The following OXCT1 variants were observed in gnomAD, a reference collection of about 807,000 sequenced individuals.
The protein encoded by OXCT1 is 3-oxoacid CoA-transferase 1.
Under a neutral mutation model 69.6 loss-of-function variants are expected in OXCT1, and 27 were observed. The ratio of observed to expected loss-of-function variants is 0.39; its 90% CI spans 0.29 to 0.54. The LOEUF (loss-of-function observed/expected upper bound fraction) is 0.54. Among genes scored for constraint, OXCT1 ranks in the 20% least tolerant of loss-of-function variants. OXCT1 has a pLI of 0.72. For synonymous variants in OXCT1, 202 were observed against 217.8 expected, an observed-to-expected ratio of 0.93 and a Z score of 0.64; for missense variants, 437 against 650.2, an observed-to-expected ratio of 0.67 and a Z score of 3.57.
intron 5 of OXCT1, among the ~76,000 whole-genome samples, chr5:41,848,021 C>T (rs1749005610): frequency 6.7e-6 from 1 of 148,484 alleles, no homozygotes; most frequent in Admixed American, 6.7e-5. Flanking sequence ...GATTGTATAT[C>T]TAGAAAACCC....
intron 7 of OXCT1, among the ~76,000 whole-genome samples, chr5:41,828,498 C>T (rs1747928303): frequency 6.6e-6 from 1 of 152,082 alleles, no homozygotes; most frequent in South Asian, 2.1e-4. Flanking sequence ...GCAAGTGCTT[C>T]TAATAAAATG....
Position 41,739,466 on chromosome 5 carries a change from T to C in OXCT1, c.1445A>G (p.Lys482Arg), listed in dbSNP as rs1743051393. 3 of 1,613,398 alleles carry C rather than the reference T, an allele frequency of 1.9e-6. No homozygotes were observed. Among genetic ancestry groups the C allele is most frequent in the Admixed American group, 1.7e-5 (1 of 60,004 alleles). The change falls in exon 16 of 17, where the codon AAA becomes AGA. Residue 482 changes from lysine (K) to arginine (R), a missense_variant. Transcript: ENST00000196371. ...EKAVFDVDKK[K>R]GLTLIELWEG... ...CCAGAGCTCAATCAGAGTCAACCCTTTCTTCTTGTCCACATCAAACACAGC... is the reference window on the plus strand; with the variant it reads ...CCAGAGCTCAATCAGAGTCAACCCTCTCTTCTTGTCCACATCAAACACAGC...
chr5:41,734,296 C>A (rs952954764), intron 16 of OXCT1, among the ~76,000 whole-genome samples: 3 of 152,134 alleles, frequency 2.0e-5, no homozygotes, highest in Non-Finnish European at 2.9e-5. Flanking sequence ...ATATGGAATA[C>A]ATTTTTAATT....
intron 4 of OXCT1, among the ~76,000 whole-genome samples, chr5:41,851,676 G>A (rs1401785133): frequency 1.3e-5 from 2 of 151,932 alleles, no homozygotes; most frequent in African/African-American, 4.8e-5. Flanking sequence ...CTAAGTTGGG[G>A]AAGGAGACAC....
intron 6 of OXCT1, among the ~76,000 whole-genome samples, chr5:41,841,479 A>G (rs1748624326): frequency 6.6e-6 from 1 of 152,148 alleles, no homozygotes; most frequent in East Asian, 1.9e-4. Context: ...CTTCTGTTCC[A>G]GCTGTCCCAC....
intron 4 of OXCT1, 114 bp from the exon 5 acceptor site, chr5:41,850,293 T>C (rs1749118627): frequency 6.7e-6 from 8 of 1,185,910 alleles, no homozygotes; most frequent in Non-Finnish European, 9.8e-6. Flanking sequence ...AAAAAGTAGC[T>C]AGCATTGTAC....
At position 41,870,416 on chromosome 5, in the gene OXCT1, G is replaced by A. The variant is rs1038709512; in HGVS notation, c.-58C>T. ...TTGGAGCGCGCGTTTGAGCGTCGGT[G>A]CGCGACTGCGAAGGAAACCCGGGCG... On this transcript the variant is annotated 5_prime_UTR_variant, in exon 1 of 17. Transcript: ENST00000196371. The surrounding 1 kb of genome is among the most constrained non-coding windows in gnomAD (Gnocchi z 4.2). 2.2e-6 allele frequency: 3 copies of A among 1,338,884 alleles called. No individual in the cohort carries two copies. Among genetic ancestry groups the A allele is most frequent in the African/African-American group, 1.4e-5 (1 of 69,350 alleles). The allele number at this position is 1,338,884 out of a possible 1,614,324, so 82.9% of individuals were successfully genotyped here. A position where few individuals can be genotyped will look rare whatever the true frequency, so the allele number is the denominator to read the frequency against.
At chr5:41,821,332 A>G (rs571287584) in intron 7 of OXCT1, among the ~76,000 whole-genome samples, 1 of 152,226 alleles carries the variant, frequency 6.6e-6, no homozygotes, top group Non-Finnish European at 1.5e-5. Context: ...TAGGAAAAAT[A>G]TGAGAAATGA....
At chr5:41,800,946 A>G (rs1267246488) in intron 11 of OXCT1, 76 bp downstream of exon 11, 12 of 1,291,316 alleles carry the variant, frequency 9.3e-6, no homozygotes, top group Non-Finnish European at 1.4e-5. Context: ...GGAAAAGACA[A>G]AGAATTGAGT....
intron 3 of OXCT1, among the ~76,000 whole-genome samples, chr5:41,859,889 A>AAT (rs113518106): frequency 0.062 from 5,475 of 88,554 alleles, 243 homozygotes; most frequent in African/African-American, 0.12. Flanking sequence ...ATATATATGT[A>AAT]ATATATATAT....
rs1050027734 is a variant in OXCT1, at chr5:41,730,132, A to G, written c.*1597T>C. The G allele has an allele frequency of 1.3e-5, 2 of 152,224 alleles. No homozygotes were observed. Among genetic ancestry groups the G allele is most frequent in the African/African-American group, 4.8e-5 (2 of 41,466 alleles). 9.4% of individuals were successfully genotyped at this position (152,224 alleles called of 1,614,324 possible). A position where few individuals can be genotyped will look rare whatever the true frequency, so the allele number is the denominator to read the frequency against. ...TTAACATGTATAGCACTCTTCAATC[A>G]AGAATATAAAGTCATCTACTTAGAA... On this transcript the variant is annotated 3_prime_UTR_variant, in exon 17 of 17. Transcript: ENST00000196371.
intron 7 of OXCT1, among the ~76,000 whole-genome samples, chr5:41,835,382 T>C (rs1411895794): frequency 1.3e-5 from 2 of 152,192 alleles, no homozygotes; most frequent in African/African-American, 2.4e-5. Flanking sequence ...GGCACCAGTA[T>C]AGAACACAGA....
Position 41,842,661 on chromosome 5 carries a change from AAC to A in OXCT1, c.671+12_671+13del. 6.3e-7 allele frequency: 1 copy of A among 1,579,706 alleles called. No homozygotes were observed. On this transcript the variant is annotated intron_variant, in intron 6 of 16. Transcript: ENST00000196371. The stretch of plus-strand genomic sequence containing the variant: ...TGCTGATATGCACGAGTGTTTTTAA[AAC>A]TATCACAATACCTGAAAATCACGTT...
At chr5:41,824,636 TAAA>T (rs1747716165) in intron 7 of OXCT1, among the ~76,000 whole-genome samples, 1 of 152,160 alleles carries the variant, frequency 6.6e-6, no homozygotes. Flanking sequence ...CAAAAAACTA[TAAA>T]TAAAACAGCA....
rs760488985 is a variant in OXCT1 at position 41,762,245 on chromosome 5, G to T, written c.1249-45C>A. On this transcript the variant is annotated intron_variant, in intron 13 of 16. Coordinates refer to ENST00000196371, the MANE Select transcript of OXCT1 (RefSeq NM_000436.4). This position sits in a 1 kb window ranked among gnomAD's most constrained non-coding sequence, Gnocchi z 4.0. ...TAGCTCTGTATCTTTCACTTCTTTT[G>T]TATGTGACAGAACAAAATTAACTTG... 3 of 1,398,078 alleles carry T rather than the reference G, an allele frequency of 2.1e-6. No individual in the cohort carries two copies. The highest frequency in any genetic ancestry group is 2.8e-5 in the African/African-American group (2 of 70,662). The allele number at this position is 1,398,078 out of a possible 1,614,324, so 86.6% of individuals were successfully genotyped here.
chr5:41,753,498 ACCTCATCACCCCAG>A (rs1195432649), intron 14 of OXCT1, among the ~76,000 whole-genome samples: 1 of 151,888 alleles, frequency 6.6e-6, no homozygotes, highest in Non-Finnish European at 1.5e-5. Flanking sequence ...ACCACCACAT[ACCTCATCACCCCAG>A]ATTCAAACGG....
At chr5:41,753,049 C>T (rs1385795973) in intron 14 of OXCT1, among the ~76,000 whole-genome samples, 1 of 152,036 alleles carries the variant, frequency 6.6e-6, no homozygotes, top group African/African-American at 2.4e-5. Context: ...TATTAAACAA[C>T]TCTAGTTAAA....
chr5:41,747,362 A>G (rs1743547250), intron 15 of OXCT1, among the ~76,000 whole-genome samples: 1 of 152,016 alleles, frequency 6.6e-6, no homozygotes, highest in African/African-American at 2.4e-5. Flanking sequence ...TGAAATTCCT[A>G]CTGCTCTTTC....
chr5:41,814,597 T>C (rs1000338934), intron 7 of OXCT1, among the ~76,000 whole-genome samples: 1 of 151,662 alleles, frequency 6.6e-6, no homozygotes, highest in African/African-American at 2.4e-5. Flanking sequence ...AAATTGGAAA[T>C]CATCATTCTC....
Sources: allele counts gnomAD v4.1 joint callset (sites outside exome capture counted in the v4.1 genomes callset), GRCh38; gene constraint gnomAD v4.1.1; non-coding constraint Gnocchi (gnomAD v3.1); transcripts MANE v1.5; gene names NCBI Gene and HGNC (gene_info 2026-07-23, HGNC 2026-07-21).